The following DDX10 variants were observed in gnomAD, a reference collection of about 807,000 sequenced individuals.
DDX10 encodes the protein probable ATP-dependent RNA helicase DDX10.
In DDX10, 74 loss-of-function variants were observed where a neutral mutation model predicts 104.3. That is an observed-to-expected ratio of 0.71 (90% CI 0.59 to 0.86). DDX10 has a LOEUF of 0.86. DDX10 is among the 40% of genes least tolerant of loss of function. DDX10 has a pLI of 0.00. For missense variants in DDX10, 952 were observed against 1,040.0 expected, an observed-to-expected ratio of 0.92 and a Z score of 1.16; for synonymous variants, 351 against 353.4, an observed-to-expected ratio of 0.99 and a Z score of 0.08.
At chr11:108,734,845 C>A (rs2094316476) in intron 13 of DDX10, among the ~76,000 whole-genome samples, 1 of 152,170 alleles carries the variant, frequency 6.6e-6, no homozygotes, top group Non-Finnish European at 1.5e-5. Flanking sequence ...AAGGAGTTTT[C>A]AAATTCATAA....
chr11:108,851,233 A>G (rs1419497530), intron 15 of DDX10, among the ~76,000 whole-genome samples: 1 of 152,112 alleles, frequency 6.6e-6, no homozygotes, highest in Non-Finnish European at 1.5e-5. Flanking sequence ...GGTGGGGTGG[A>G]AAGAGAAGGG....
chr11:108,849,062 C>G (rs1862757645), intron 15 of DDX10, among the ~76,000 whole-genome samples: 1 of 152,110 alleles, frequency 6.6e-6, no homozygotes, highest in East Asian at 1.9e-4. Context: ...TTTTTAATGT[C>G]GTTCAAGCAA....
At chr11:108,705,674 C>T (rs958713231) in intron 9 of DDX10, among the ~76,000 whole-genome samples, 1 of 152,190 alleles carries the variant, frequency 6.6e-6, no homozygotes, top group Non-Finnish European at 1.5e-5. Context: ...TTATTTGCTT[C>T]TCACATTTTA....
intron 6 of DDX10, among the ~76,000 whole-genome samples, chr11:108,683,682 T>A (rs1049823039): frequency 6.6e-6 from 1 of 152,196 alleles, no homozygotes; most frequent in Non-Finnish European, 1.5e-5. Flanking sequence ...TTCATCAGGG[T>A]TTGCAAAATT....
intron 13 of DDX10, among the ~76,000 whole-genome samples, chr11:108,800,952 A>T (rs1423650652): frequency 6.6e-6 from 1 of 152,168 alleles, no homozygotes; most frequent in Non-Finnish European, 1.5e-5. Flanking sequence ...GTTGTTTATT[A>T]TCTGCCATTT....
At chr11:108,893,887 G>T (rs1863407224) in intron 16 of DDX10, among the ~76,000 whole-genome samples, 1 of 152,048 alleles carries the variant, frequency 6.6e-6, no homozygotes, top group Admixed American at 6.6e-5. Context: ...TGGATAGTTA[G>T]TTATGATTCC....
intron 13 of DDX10, chr11:108,729,808 A>AT (rs1481077906): frequency 6.6e-6 from 1 of 152,116 alleles, no homozygotes; most frequent in African/African-American, 2.4e-5. Context: ...CAAACAACAC[A>AT]ATGCACGTCG....
At chr11:108,669,564 C>T (rs1459796312) in intron 1 of DDX10, among the ~76,000 whole-genome samples, 2 of 152,076 alleles carry the variant, frequency 1.3e-5, no homozygotes, top group Admixed American at 6.6e-5. Flanking sequence ...CAGATGGGTT[C>T]GAGAAGAAGG....
At chr11:108,875,943 C>A (rs1863148491) in intron 16 of DDX10, among the ~76,000 whole-genome samples, 2 of 152,082 alleles carry the variant, frequency 1.3e-5, no homozygotes, top group East Asian at 3.9e-4. Flanking sequence ...CTTAGAGTGA[C>A]TAAGGTCGTT....
chr11:108,683,876 G>T (rs1027551813), intron 6 of DDX10, among the ~76,000 whole-genome samples: 1 of 152,108 alleles, frequency 6.6e-6, no homozygotes, highest in Non-Finnish European at 1.5e-5. Flanking sequence ...TTTGTTTTTG[G>T]TGGGGGGTGG....
intron 8 of DDX10, among the ~76,000 whole-genome samples, chr11:108,692,932 A>G (rs1175367730): frequency 1.3e-5 from 2 of 152,214 alleles, no homozygotes; most frequent in African/African-American, 4.8e-5. Context: ...GTTCTGGGGT[A>G]CATGTACAGA....
chr11:108,938,423 A>C (rs186677507), intron 17 of DDX10, among the ~76,000 whole-genome samples: 5 of 152,288 alleles, frequency 3.3e-5, no homozygotes, highest in Admixed American at 2.6e-4. Context: ...CAGCCCACTA[A>C]TTAGGCCATT....
intron 13 of DDX10, among the ~76,000 whole-genome samples, chr11:108,804,498 C>CAAAAA (rs3063225): frequency 3.2e-5 from 3 of 93,452 alleles, no homozygotes; most frequent in Admixed American, 1.3e-4. Context: ...GACCCTGTCT[C>CAAAAA]AAAAAAAAAA....
intron 17 of DDX10, among the ~76,000 whole-genome samples, chr11:108,928,951 G>A (rs1591129841): frequency 6.6e-6 from 1 of 152,150 alleles, no homozygotes; most frequent in African/African-American, 2.4e-5. Flanking sequence ...AAAACAGTTT[G>A]CAAAAATATC....
At chr11:108,872,128 G>GAA (rs1261660335) in intron 16 of DDX10, among the ~76,000 whole-genome samples, 1 of 152,124 alleles carries the variant, frequency 6.6e-6, no homozygotes, top group African/African-American at 2.4e-5. Context: ...TCTTACTTTT[G>GAA]TTCTGTATGT....
At chr11:108,763,960 A>G (rs1339253277) in intron 13 of DDX10, among the ~76,000 whole-genome samples, 1 of 152,188 alleles carries the variant, frequency 6.6e-6, no homozygotes, top group Non-Finnish European at 1.5e-5. Context: ...AACAATTCCA[A>G]ATATAGAGCT....
intron 16 of DDX10, among the ~76,000 whole-genome samples, chr11:108,894,975 G>A (rs1167419864): frequency 6.6e-6 from 1 of 151,752 alleles, no homozygotes; most frequent in African/African-American, 2.4e-5. Flanking sequence ...TTTGTAGTTG[G>A]CATTTGCTCT....
At position 108,772,895 on chromosome 11, in the gene DDX10, G is replaced by A. The variant is rs548020850; in HGVS notation, c.1965+49433G>A. Among the ~76,000 whole-genome samples, 4 of 152,154 alleles carry A rather than the reference G, an allele frequency of 2.6e-5. No homozygotes were observed. The South Asian group carries it at 8.3e-4, about 32-fold the overall frequency. ...TAGTCCCTCGTGCCAAAAAGGTTGG[G>A]CATTGTTGGTAAGGTACCAGTAGTT... On this transcript the variant is annotated intron_variant, in intron 13 of 17. Transcript: ENST00000322536.
In DDX10 at chr11:108,688,923, G is replaced by T. The variant is rs200433596; in HGVS notation, c.849-13G>T. 3.1e-6 allele frequency: 5 copies of T among 1,605,410 alleles called. No homozygotes were observed. In the Admixed American group the frequency reaches 8.5e-5, roughly 27 times the overall value. ...ACATATTCTAATGTTTTTCTTTTCC[G>T]TAATTCCACAAGCACCCCTGCCACT... On this transcript the variant is annotated splice_polypyrimidine_tract_variant and intron_variant, in intron 6 of 17. Transcript: ENST00000322536.
Sources: allele counts gnomAD v4.1 joint callset (sites outside exome capture counted in the v4.1 genomes callset), GRCh38; gene constraint gnomAD v4.1.1; transcripts MANE v1.5; gene names NCBI Gene and HGNC (gene_info 2026-07-23, HGNC 2026-07-21).